The following RAB11FIP5 variants were observed in gnomAD, a reference collection of about 807,000 sequenced individuals.
RAB11FIP5 encodes rab11 family-interacting protein 5.
Under a neutral mutation model 85.1 loss-of-function variants are expected in RAB11FIP5, and 48 were observed. The observed-to-expected ratio is 0.56, with a 90% CI of 0.45 to 0.72. RAB11FIP5 has a LOEUF of 0.72. Ranked by LOEUF, RAB11FIP5 falls within the 30% of genes least tolerant of loss-of-function variation. RAB11FIP5 has a pLI of 0.00. For missense variants in RAB11FIP5, 1,491 were observed against 1,687.0 expected, an observed-to-expected ratio of 0.88 and a Z score of 2.04; for synonymous variants, 729 against 727.3, an observed-to-expected ratio of 1.00 and a Z score of -0.04.
intron 4 of RAB11FIP5, among the ~76,000 whole-genome samples, chr2:73,079,277 C>A (rs914571854): frequency 1.3e-5 from 2 of 152,096 alleles, no homozygotes; most frequent in Admixed American, 1.3e-4. Flanking sequence ...CACCGCCCCC[C>A]ACCCACAGCT....
Position 73,112,285 on chromosome 2 carries a change from C to A in RAB11FIP5, c.431+62G>T, listed in dbSNP as rs1684673225. On this transcript the variant is annotated intron_variant, in intron 1 of 5. Transcript: ENST00000486777. ...CCGGCTGAAGTTCGGGGTCCTGATC[C>A]CCCACCAGCCCCGCCCTGTTAGGCC... The A allele has an allele frequency of 3.5e-6, 5 of 1,417,232 alleles. No individual in the cohort carries two copies. The Admixed American group carries it at 1.5e-4, about 42-fold the overall frequency. 87.8% of individuals were successfully genotyped at this position (1,417,232 alleles called of 1,614,324 possible). A position where few individuals can be genotyped will look rare whatever the true frequency, so the allele number is the denominator to read the frequency against.
chr2:73,102,289 G>C (rs1047201202), intron 1 of RAB11FIP5, among the ~76,000 whole-genome samples: 12 of 152,146 alleles, frequency 7.9e-5, no homozygotes, highest in Admixed American at 4.6e-4. Flanking sequence ...ACACTATGCT[G>C]CAGGAAGAGG....
rs1199520041 is a variant in RAB11FIP5 at position 73,075,009 on chromosome 2, G to A, written c.*512C>T. ...CTCTCAGGGGAATGGGTGTGAGGCT[G>A]AAGAGGCTGGTTGCCCGTAACTCAC... On this transcript the variant is annotated 3_prime_UTR_variant, in exon 6 of 6. Transcript: ENST00000486777. The surrounding 1 kb of genome is among the most constrained non-coding windows in gnomAD (Gnocchi z 4.6). The A allele has an allele frequency of 5.6e-6, 2 of 356,864 alleles. No individual in the cohort carries two copies. The highest frequency in any genetic ancestry group is 2.1e-5 in the South Asian group (1 of 46,674). The allele number at this position is 356,864 out of a possible 1,614,324, so 22.1% of individuals were successfully genotyped here.
At chr2:73,085,158 C>G (rs996023363) in intron 3 of RAB11FIP5, among the ~76,000 whole-genome samples, 9 of 152,294 alleles carry the variant, frequency 5.9e-5, no homozygotes, top group Non-Finnish European at 1.3e-4. Flanking sequence ...CTCATTTACA[C>G]CACCAAGAAT....
intron 1 of RAB11FIP5, among the ~76,000 whole-genome samples, chr2:73,108,554 C>T (rs1684575266): frequency 6.6e-6 from 1 of 152,230 alleles, no homozygotes; most frequent in Admixed American, 6.5e-5. Context: ...TTTGCTGCTG[C>T]TTCCTTCCTT....
intron 3 of RAB11FIP5, chr2:73,084,329 C>T (rs1310716404): frequency 1.3e-5 from 2 of 152,402 alleles, no homozygotes; most frequent in African/African-American, 2.4e-5. Context: ...CCTCCCACTC[C>T]ACCTGGCCCA....
rs191845133 is a variant in RAB11FIP5 at position 73,112,281 on chromosome 2, G to C, written c.431+66C>G. On this transcript the variant is annotated intron_variant, in intron 1 of 5. Transcript: ENST00000486777. ...TGGCCCGGCTGAAGTTCGGGGTCCT[G>C]ATCCCCCACCAGCCCCGCCCTGTTA... The C allele has an allele frequency of 5.1e-4, 721 of 1,409,226 alleles. 1 individual carries two copies. The African/African-American group carries it at 9.8e-3, about 19-fold the overall frequency. The allele number at this position is 1,409,226 out of a possible 1,614,324, so 87.3% of individuals were successfully genotyped here. A position where few individuals can be genotyped will look rare whatever the true frequency, so the allele number is the denominator to read the frequency against.
intron 4 of RAB11FIP5, among the ~76,000 whole-genome samples, chr2:73,077,162 A>T (rs1009262719): frequency 6.6e-6 from 1 of 152,186 alleles, no homozygotes; most frequent in African/African-American, 2.4e-5. Flanking sequence ...CTGCAGAGTC[A>T]GGTGCAGACT....
At position 73,081,450 on chromosome 2, in the gene RAB11FIP5, A is replaced by C. The variant is rs1387975643; in HGVS notation, c.1782T>G (p.Gly594=). 1 of 1,233,100 alleles carries C rather than the reference A, an allele frequency of 8.1e-7. No homozygotes were observed. The highest frequency in any genetic ancestry group is 1.0e-6 in the Non-Finnish European group (1 of 988,618). 76.4% of individuals were successfully genotyped at this position (1,233,100 alleles called of 1,614,324 possible). A position where few individuals can be genotyped will look rare whatever the true frequency, so the allele number is the denominator to read the frequency against. Residue 594 remains glycine, a synonymous_variant, in exon 4 of 6, where the codon GGT becomes GGG. Transcript: ENST00000486777. This position sits in a 1 kb window ranked among gnomAD's most constrained non-coding sequence, Gnocchi z 4.2. Reference sequence around the variant, plus strand: ...AAGAGGTGAGGAACGGGTTGGTAAGACCCAATAATCCAGGTGGGGTGGCTT... The same window carrying C: ...AAGAGGTGAGGAACGGGTTGGTAAGCCCCAATAATCCAGGTGGGGTGGCTT... The part of the protein sequence containing the change: ...APEATPPGLL[G]LTNPFLTSLQ...
Position 73,075,824 on chromosome 2 carries a change from C to T in RAB11FIP5, c.3772-100G>A, listed in dbSNP as rs1683847822. 1 of 1,470,770 alleles carries T rather than the reference C, an allele frequency of 6.8e-7. No homozygotes were observed. Among genetic ancestry groups the T allele is most frequent in the Non-Finnish European group, 9.3e-7 (1 of 1,079,000 alleles). The allele number at this position is 1,470,770 out of a possible 1,614,324, so 91.1% of individuals were successfully genotyped here. ...CGCCTGCCCACCAACACCTAAGTTTCACCACCACAGGGCCCCAGGCTGCCT... is the reference window on the plus strand; with the variant it reads ...CGCCTGCCCACCAACACCTAAGTTTTACCACCACAGGGCCCCAGGCTGCCT... On this transcript the variant is annotated intron_variant, in intron 5 of 5. Coordinates refer to ENST00000486777, the MANE Select transcript of RAB11FIP5 (RefSeq NM_001371272.1). The surrounding 1 kb of genome is among the most constrained non-coding windows in gnomAD (Gnocchi z 4.6).
chr2:73,095,041 G>A (rs770499545), intron 1 of RAB11FIP5, among the ~76,000 whole-genome samples: 5 of 152,074 alleles, frequency 3.3e-5, no homozygotes, highest in African/African-American at 4.8e-5. Flanking sequence ...CGGGCTGCCT[G>A]CAGCACATAT....
chr2:73,082,134 C>T (rs568632473), intron 3 of RAB11FIP5, among the ~76,000 whole-genome samples: 398 of 150,758 alleles, frequency 2.6e-3, no homozygotes, highest in African/African-American at 9.4e-3. Context: ...CTCCCAGGCT[C>T]AAGCCATTCT....
intron 1 of RAB11FIP5, among the ~76,000 whole-genome samples, chr2:73,110,863 G>C (rs976909561): frequency 6.6e-6 from 1 of 152,156 alleles, no homozygotes; most frequent in African/African-American, 2.4e-5. Flanking sequence ...TTGGTGGAGG[G>C]TGAAGGACTG....
At chr2:73,083,060 C>T (rs186745932) in intron 3 of RAB11FIP5, among the ~76,000 whole-genome samples, 1 of 152,244 alleles carries the variant, frequency 6.6e-6, no homozygotes, top group Non-Finnish European at 1.5e-5. Context: ...GGGGAAACCC[C>T]TACACATCCG....
At position 73,112,327 on chromosome 2, in the gene RAB11FIP5, C is replaced by A; in HGVS notation, c.431+20G>T. On this transcript the variant is annotated intron_variant, in intron 1 of 5. Transcript: ENST00000486777. Reference sequence around the variant, plus strand: ...TGTTAGGCCTTTAGCCGTTTCTGTGCCCCCGCGCCCCCTACTCACTGCGTG... The same window carrying A: ...TGTTAGGCCTTTAGCCGTTTCTGTGACCCCGCGCCCCCTACTCACTGCGTG... The A allele has an allele frequency of 6.4e-7, 1 of 1,552,424 alleles. No homozygotes were observed. Among genetic ancestry groups the A allele is most frequent in the Non-Finnish European group, 8.6e-7 (1 of 1,158,852 alleles).
chr2:73,109,274 C>G (rs1684596707), intron 1 of RAB11FIP5, among the ~76,000 whole-genome samples: 1 of 152,174 alleles, frequency 6.6e-6, no homozygotes, highest in Non-Finnish European at 1.5e-5. Context: ...CTGCCCCACT[C>G]ACACAAGACC....
Position 73,095,311 on chromosome 2 carries a change from G to A in RAB11FIP5, c.432-5996C>T, listed in dbSNP as rs866370844. Among the ~76,000 whole-genome samples the A allele has an allele frequency of 1.4e-4, 22 of 152,306 alleles. No homozygotes were observed. In the Middle Eastern group the frequency reaches 0.014, roughly 94 times the overall value. ...GAGAAAATTCCTTGCACCTGAAGAG[G>A]CACACGCAGCTACTGATGCTGCTCT... On this transcript the variant is annotated intron_variant, in intron 1 of 5. Transcript: ENST00000486777.
At chr2:73,106,844 C>T (rs1684537296) in intron 1 of RAB11FIP5, among the ~76,000 whole-genome samples, 1 of 152,192 alleles carries the variant, frequency 6.6e-6, no homozygotes, top group African/African-American at 2.4e-5. Context: ...TGAGTAAGGG[C>T]TGTGCTCCCT....
chr2:73,111,101 C>G (rs1042966701), intron 1 of RAB11FIP5, among the ~76,000 whole-genome samples: 2 of 152,072 alleles, frequency 1.3e-5, no homozygotes, highest in African/African-American at 4.8e-5. Context: ...GGGGAGCAGG[C>G]CAGGGGATGG....
Sources: allele counts gnomAD v4.1 joint callset (sites outside exome capture counted in the v4.1 genomes callset), GRCh38; gene constraint gnomAD v4.1.1; non-coding constraint Gnocchi (gnomAD v3.1); transcripts MANE v1.5; gene names NCBI Gene and HGNC (gene_info 2026-07-23, HGNC 2026-07-21).